Variants in INPP4A observed in about 807,000 individuals in gnomAD.
The protein encoded by INPP4A is inositol polyphosphate-4-phosphatase type I A.
INPP4A carries 33 observed loss-of-function variants against 119.8 expected under a neutral mutation model. The ratio of observed to expected loss-of-function variants is 0.28; its 90% CI spans 0.21 to 0.37. The LOEUF (loss-of-function observed/expected upper bound fraction) is 0.37. Among genes scored for constraint, INPP4A ranks in the 10% least tolerant of loss-of-function variants. The probability of loss-of-function intolerance (pLI) is 1.00; values close to 1 mark genes in which losing one functional copy is unlikely to be tolerated. For synonymous variants in INPP4A, 496 were observed against 500.7 expected (o/e 0.99, Z 0.12); for missense variants, 956 against 1,289.9 (o/e 0.74, Z 3.97).
At chr2:98,485,458 T>G (rs1208024208) in intron 1 of INPP4A, among the ~76,000 whole-genome samples, 1 of 152,194 alleles carries the variant, frequency 6.6e-6, no homozygotes, top group Non-Finnish European at 1.5e-5. Context: ...GTAAGAGAAC[T>G]ATGGCAATCA....
rs1018221753 is a variant in INPP4A at position 98,566,306 on chromosome 2, T to C, written c.2420+137T>C. On this transcript the variant is annotated intron_variant, in intron 21 of 24. Coordinates refer to ENST00000409851, the MANE Select transcript of INPP4A (RefSeq NM_001134225.2). This position sits in a 1 kb window ranked among gnomAD's most constrained non-coding sequence, Gnocchi z 4.2. ...CTTCCTTTGGCCAACATTTTCATCA[T>C]GGCCGTGCACCTCACTGTCTTTGGT... is the stretch of plus-strand genomic sequence containing the variant. 6.2e-6 allele frequency: 6 copies of C among 971,296 alleles called. No homozygotes were observed. The African/African-American group carries it at 6.7e-5, about 11-fold the overall frequency. The allele number at this position is 971,296 out of a possible 1,614,324, so 60.2% of individuals were successfully genotyped here. A position where few individuals can be genotyped will look rare whatever the true frequency, so the allele number is the denominator to read the frequency against.
intron 24 of INPP4A, 67 bp from the exon 25 acceptor site, chr2:98,587,409 C>G: frequency 7.1e-7 from 1 of 1,413,178 alleles, no homozygotes; most frequent in Non-Finnish European, 9.4e-7. Context: ...TTCATTTCAT[C>G]TTAGTTTAAG....
At chr2:98,552,614 G>A (rs1297761627) in intron 13 of INPP4A, 172 bp from the exon 14 acceptor site, 4 of 740,456 alleles carry the variant, frequency 5.4e-6, no homozygotes, top group South Asian at 1.4e-5. Flanking sequence ...ATATAGACAG[G>A]AAGAATCTCC....
At chr2:98,450,001 G>T (rs372110794) in intron 1 of INPP4A, among the ~76,000 whole-genome samples, 2 of 151,388 alleles carry the variant, frequency 1.3e-5, no homozygotes, top group Non-Finnish European at 2.9e-5. Flanking sequence ...TTTCTTGTTG[G>T]GCTGTTTTTC....
At chr2:98,553,989 A>G (rs1198119188) in intron 14 of INPP4A, among the ~76,000 whole-genome samples, 2 of 152,226 alleles carry the variant, frequency 1.3e-5, no homozygotes, top group African/African-American at 4.8e-5. Flanking sequence ...CCTAGCAATC[A>G]CAGGTCAGAG....
At chr2:98,499,022 G>A (rs565490281) in intron 1 of INPP4A, among the ~76,000 whole-genome samples, 28 of 152,280 alleles carry the variant, frequency 1.8e-4, no homozygotes, top group African/African-American at 6.7e-4. Context: ...TGTCTAATGT[G>A]GAATCTCAAT....
intron 5 of INPP4A, among the ~76,000 whole-genome samples, chr2:98,534,582 C>T (rs1689863612): frequency 6.6e-6 from 1 of 152,154 alleles, no homozygotes; most frequent in Non-Finnish European, 1.5e-5. Flanking sequence ...TGTGGCTATG[C>T]AAATGTGTGA....
chr2:98,470,707 G>T (rs954681878), intron 1 of INPP4A, among the ~76,000 whole-genome samples: 1 of 150,918 alleles, frequency 6.6e-6, no homozygotes, highest in African/African-American at 2.4e-5. Context: ...TTGCTCTGTT[G>T]CCCAGGCTGG....
chr2:98,545,115 G>A (rs1050043524), intron 11 of INPP4A, among the ~76,000 whole-genome samples: 1 of 152,182 alleles, frequency 6.6e-6, no homozygotes, highest in African/African-American at 2.4e-5. Flanking sequence ...GCGGTCTGTG[G>A]ACTGCACCCT....
chr2:98,548,546 C>G (rs1692905705), intron 13 of INPP4A, among the ~76,000 whole-genome samples: 1 of 152,140 alleles, frequency 6.6e-6, no homozygotes, highest in Non-Finnish European at 1.5e-5. Context: ...GGTCTTTGTC[C>G]CAGGAGGCTT....
At chr2:98,575,597 G>T (rs1698282296) in intron 23 of INPP4A, among the ~76,000 whole-genome samples, 1 of 151,956 alleles carries the variant, frequency 6.6e-6, no homozygotes, top group Non-Finnish European at 1.5e-5. Context: ...TGATTGTCTT[G>T]CCTGAACATT....
intron 1 of INPP4A, among the ~76,000 whole-genome samples, chr2:98,449,641 G>C (rs1276250701): frequency 1.3e-5 from 2 of 152,212 alleles, no homozygotes; most frequent in Admixed American, 6.5e-5. Flanking sequence ...TAAAAACCGA[G>C]ATGTAGGCAC....
At position 98,564,657 on chromosome 2, in the gene INPP4A, C is replaced by T. The variant is rs777410503; in HGVS notation, c.2046C>T (p.Cys682=). Residue 682 remains cysteine, a synonymous_variant, in exon 19 of 25, where the codon TGC becomes TGT. Coordinates refer to ENST00000409851, the MANE Select transcript of INPP4A (RefSeq NM_001134225.2). ...TCCCACAGCTGACCGCCCTCATCTG[C>T]GGCTTCATCATTAAGCTGAGGAACT... The part of the protein sequence containing the change: ...VFCQTLTALI[C]GFIIKLRNCL... 2.0e-5 allele frequency: 33 copies of T among 1,613,282 alleles called. No homozygotes were observed. The highest frequency in any genetic ancestry group is 2.7e-5 in the African/African-American group (2 of 74,920).
chr2:98,527,125 C>T (rs1688327967), intron 4 of INPP4A, among the ~76,000 whole-genome samples: 1 of 152,278 alleles, frequency 6.6e-6, no homozygotes, highest in East Asian at 1.9e-4. Flanking sequence ...TTGCTATCGT[C>T]CTCTCTCTAG....
chr2:98,583,116 C>T (rs894307751), intron 24 of INPP4A, among the ~76,000 whole-genome samples: 2 of 152,256 alleles, frequency 1.3e-5, no homozygotes, highest in Non-Finnish European at 2.9e-5. Context: ...TTTAGATTTA[C>T]TCTTCACTAT....
At chr2:98,550,844 G>C (rs1359874610) in intron 13 of INPP4A, among the ~76,000 whole-genome samples, 2 of 152,182 alleles carry the variant, frequency 1.3e-5, no homozygotes, top group Non-Finnish European at 2.9e-5. Flanking sequence ...TGGGCAGAGG[G>C]TATGTATTTG....
chr2:98,530,216 C>G (rs1441303682), intron 4 of INPP4A, among the ~76,000 whole-genome samples: 2 of 150,694 alleles, frequency 1.3e-5, no homozygotes, highest in Admixed American at 6.6e-5. Context: ...AAAAAAAAAT[C>G]TGAACTACCT....
At chr2:98,466,718 G>A (rs1317623794) in intron 1 of INPP4A, among the ~76,000 whole-genome samples, 2 of 152,184 alleles carry the variant, frequency 1.3e-5, no homozygotes, top group Non-Finnish European at 2.9e-5. Context: ...GAGAGAGGAG[G>A]GCACTCACAG....
At chr2:98,565,597 C>A (rs1315597502) in intron 19 of INPP4A, 43 bp from the exon 20 acceptor site, 1 of 1,571,674 alleles carries the variant, frequency 6.4e-7, no homozygotes, top group Non-Finnish European at 8.7e-7. Context: ...GGGAGAGTAG[C>A]AGGGCCCTCT....
Sources: allele counts gnomAD v4.1 joint callset (sites outside exome capture counted in the v4.1 genomes callset), GRCh38; gene constraint gnomAD v4.1.1; non-coding constraint Gnocchi (gnomAD v3.1); transcripts MANE v1.5; gene names NCBI Gene and HGNC (gene_info 2026-07-23, HGNC 2026-07-21).